TMEM132B: variants seen among roughly 807,000 people sequenced by gnomAD.
TMEM132B encodes transmembrane protein 132B.
A neutral mutation model predicts 90.8 loss-of-function variants in TMEM132B; 18 were observed. The ratio of observed to expected loss-of-function variants is 0.20; its 90% confidence interval spans 0.14 to 0.29. The LOEUF (loss-of-function observed/expected upper bound fraction) is 0.29, where lower values mean the gene tolerates loss of function less well. TMEM132B is among the 10% of genes least tolerant of loss of function. TMEM132B has a pLI of 1.00. For synonymous variants in TMEM132B, 504 were observed against 523.3 expected (o/e 0.96, Z 0.50); for missense variants, 1,096 against 1,326.8 (o/e 0.83, Z 2.70).
intron 1 of TMEM132B, among the ~76,000 whole-genome samples, chr12:125,224,844 T>C (rs1873641098): frequency 6.6e-6 from 1 of 152,258 alleles, no homozygotes; most frequent in Non-Finnish European, 1.5e-5. Flanking sequence ...AAGGGGTATC[T>C]GTTGAAAAGC....
intron 3 of TMEM132B, among the ~76,000 whole-genome samples, chr12:125,505,183 A>AAAAAC (rs1555254112): frequency 2.6e-4 from 37 of 143,544 alleles, no homozygotes; most frequent in African/African-American, 9.5e-4. Context: ...AAAAAAAAAA[A>AAAAAC]AAAAAAAAAA....
rs138154417 is a variant in TMEM132B at position 125,384,005 on chromosome 12, G to C, written c.960-31526G>C. ...TCCATCACCCAGGCTGGAGTGCAGT[G>C]GTGTGACCTCAGCTCATTGCAACCT... is the stretch of plus-strand genomic sequence containing the variant. On this transcript the variant is annotated intron_variant, in intron 2 of 8. Coordinates refer to ENST00000682704, the MANE Select transcript of TMEM132B (RefSeq NM_001366854.1). Among the ~76,000 whole-genome samples the C allele has an allele frequency of 8.0e-3, 1,213 of 152,190 alleles. 27 individuals are homozygous for C. The highest frequency in any genetic ancestry group is 0.028 in the African/African-American group (1,155 of 41,512).
At chr12:125,418,376 T>C (rs391397) in intron 3 of TMEM132B, among the ~76,000 whole-genome samples, 5,087 of 152,196 alleles carry the variant, frequency 0.033, 305 homozygotes, top group African/African-American at 0.12. Flanking sequence ...TCTTTCTCCT[T>C]CTCTTACTTC....
At position 125,661,425 on chromosome 12, in the gene TMEM132B, C is replaced by T. The variant is rs970750893; in HGVS notation, c.*6715C>T. 1.3e-5 allele frequency: 2 copies of T among 152,200 alleles called. No individual in the cohort carries two copies. The highest frequency in any genetic ancestry group is 2.4e-5 in the African/African-American group (1 of 41,434). 9.4% of individuals were successfully genotyped at this position (152,200 alleles called of 1,614,324 possible). On this transcript the variant is annotated 3_prime_UTR_variant, in exon 9 of 9. Coordinates refer to ENST00000682704, the MANE Select transcript of TMEM132B (RefSeq NM_001366854.1). ...CATTAATCTGGTTGGTGACCGTTTC[C>T]ATCGGGCACACCTGGAAATGTCCAT...
chr12:125,376,553 G>A (rs546142977), intron 2 of TMEM132B, among the ~76,000 whole-genome samples: 3 of 152,246 alleles, frequency 2.0e-5, no homozygotes, highest in Admixed American at 1.3e-4. Context: ...GCCTGGGCTC[G>A]GGGCTATTTA....
At chr12:125,270,197 T>C (rs1874802591) in intron 1 of TMEM132B, among the ~76,000 whole-genome samples, 1 of 150,722 alleles carries the variant, frequency 6.6e-6, no homozygotes. Flanking sequence ...AGTGCAGTGG[T>C]GCAATCACAG....
chr12:125,580,725 GGA>G (rs1885036518), intron 4 of TMEM132B, among the ~76,000 whole-genome samples: 1 of 152,152 alleles, frequency 6.6e-6, no homozygotes, highest in African/African-American at 2.4e-5. Flanking sequence ...GATCTTGACA[GGA>G]GAAGGGAATT....
At chr12:125,381,285 C>A (rs997535507) in intron 2 of TMEM132B, among the ~76,000 whole-genome samples, 1 of 152,194 alleles carries the variant, frequency 6.6e-6, no homozygotes, top group Non-Finnish European at 1.5e-5. Context: ...ACAAAGCAGA[C>A]TCCTGACCAG....
At chr12:125,309,430 T>G (rs1387470962) in intron 1 of TMEM132B, among the ~76,000 whole-genome samples, 2 of 152,216 alleles carry the variant, frequency 1.3e-5, no homozygotes, top group Non-Finnish European at 2.9e-5. Flanking sequence ...CACTTTAGAA[T>G]CTTAATTATT....
chr12:125,217,610 C>T (rs1873466548), intron 1 of TMEM132B, among the ~76,000 whole-genome samples: 1 of 152,078 alleles, frequency 6.6e-6, no homozygotes, highest in South Asian at 2.1e-4. Flanking sequence ...CCATGCTTGG[C>T]TAATTAAAAC....
At chr12:125,362,084 C>T (rs1428637544) in intron 2 of TMEM132B, among the ~76,000 whole-genome samples, 1 of 152,170 alleles carries the variant, frequency 6.6e-6, no homozygotes, top group African/African-American at 2.4e-5. Context: ...GAAACAGAGC[C>T]TCTGCCTCTG....
intron 5 of TMEM132B, among the ~76,000 whole-genome samples, chr12:125,643,195 C>G (rs1436547193): frequency 6.6e-6 from 1 of 152,176 alleles, no homozygotes; most frequent in Non-Finnish European, 1.5e-5. Flanking sequence ...GGTGGCCCCA[C>G]TGGTTGAGGT....
chr12:125,511,845 C>CT (rs377198622), intron 3 of TMEM132B, among the ~76,000 whole-genome samples: 1,519 of 127,608 alleles, frequency 0.012, 10 homozygotes, highest in Middle Eastern at 0.029. Flanking sequence ...GAGCAAGACT[C>CT]TATCTCAAAA....
chr12:125,254,240 C>T (rs1483151619), intron 1 of TMEM132B, among the ~76,000 whole-genome samples: 1 of 151,838 alleles, frequency 6.6e-6, no homozygotes, highest in African/African-American at 2.4e-5. Context: ...ACGTTTGTGC[C>T]ATTGCACTCC....
chr12:125,281,718 C>T (rs891208548), intron 1 of TMEM132B, among the ~76,000 whole-genome samples: 1 of 152,032 alleles, frequency 6.6e-6, no homozygotes, highest in African/African-American at 2.4e-5. Context: ...GCAATGGCTC[C>T]CTGGGACCTG....
intron 5 of TMEM132B, among the ~76,000 whole-genome samples, chr12:125,591,969 T>C (rs997655926): frequency 5.3e-5 from 8 of 152,130 alleles, no homozygotes; most frequent in Non-Finnish European, 1.2e-4. Flanking sequence ...GGCCATATCT[T>C]TTTTTGGGGC....
At chr12:125,556,130 C>T (rs1388510393) in intron 4 of TMEM132B, among the ~76,000 whole-genome samples, 1 of 152,226 alleles carries the variant, frequency 6.6e-6, no homozygotes, top group African/African-American at 2.4e-5. Flanking sequence ...TCAGTTGTTG[C>T]TCATGTCTTA....
chr12:125,618,169 T>C (rs2136962714), intron 5 of TMEM132B, among the ~76,000 whole-genome samples: 1 of 152,216 alleles, frequency 6.6e-6, no homozygotes, highest in Admixed American at 6.5e-5. Context: ...GGGTGCTGGG[T>C]GGGGACACTA....
intron 2 of TMEM132B, among the ~76,000 whole-genome samples, chr12:125,404,698 A>T (rs1399354321): frequency 6.6e-6 from 1 of 152,196 alleles, no homozygotes. Flanking sequence ...ATGGTTATCC[A>T]AGGCCTCACA....
Sources: allele counts gnomAD v4.1 joint callset (sites outside exome capture counted in the v4.1 genomes callset), GRCh38; gene constraint gnomAD v4.1.1; transcripts MANE v1.5; gene names NCBI Gene and HGNC (gene_info 2026-07-23, HGNC 2026-07-21).